MIOS: variants seen among roughly 807,000 people sequenced by gnomAD.
MIOS encodes GATOR2 complex protein MIOS.
A neutral mutation model predicts 96.9 loss-of-function variants in MIOS; 52 were observed. The ratio of observed to expected loss-of-function variants is 0.54; its 90% CI spans 0.43 to 0.68. The LOEUF (loss-of-function observed/expected upper bound fraction) is 0.68, where lower values mean the gene tolerates loss of function less well. Ranked by LOEUF, MIOS falls within the 30% of genes least tolerant of loss-of-function variation. The probability of loss-of-function intolerance (pLI) is 0.00; values close to 1 mark genes in which losing one functional copy is unlikely to be tolerated. For synonymous variants in MIOS, 397 were observed against 359.5 expected, an observed-to-expected ratio of 1.10 and a Z score of -1.18; for missense variants, 1,005 against 1,052.8, an observed-to-expected ratio of 0.95 and a Z score of 0.63.
Position 7,573,295 on chromosome 7 carries a change from G to A in MIOS, c.820G>A (p.Ala274Thr). The change falls in exon 4 of 13, where the codon GCA becomes ACA. Residue 274 changes from alanine (A) to threonine (T), a missense_variant. Around this residue, in one of 3 missense-constraint regions of MIOS, gnomAD observed 865 missense variants for 887.9 expected, o/e 0.97. Transcript: ENST00000340080. This position sits in a 1 kb window ranked among gnomAD's most constrained non-coding sequence, Gnocchi z 5.0. The part of the protein sequence containing the change: ...TEQPKPLTKV[A>T]WCPTRTGLLA... ...GCAACCAAAACCCTTAACAAAAGTAGCATGGTGTCCCACTAGGACTGGTCT... is the reference window on the plus strand; with the variant it reads ...GCAACCAAAACCCTTAACAAAAGTAACATGGTGTCCCACTAGGACTGGTCT... 1 of 1,614,046 alleles carries A rather than the reference G, an allele frequency of 6.2e-7. No homozygotes were observed. The highest frequency in any genetic ancestry group is 8.5e-7 in the Non-Finnish European group (1 of 1,179,952).
chr7:7,573,426 T>C lies in MIOS; in HGVS notation c.951T>C (p.Ser317=), dbSNP rs1783418912. ...CTGAACCCACAATAATTGAAAGAAG[T>C]GTGCAACCTTGTGACAATTACATTG... ...DETEPTIIER[S]VQPCDNYIAS... is the part of the protein sequence containing the mutation. Residue 317 remains serine, a synonymous_variant, in exon 4 of 13, where the codon AGT becomes AGC. Coordinates refer to ENST00000340080, the MANE Select transcript of MIOS (RefSeq NM_019005.4). This position sits in a 1 kb window ranked among gnomAD's most constrained non-coding sequence, Gnocchi z 5.0. 11 of 1,614,134 alleles carry C rather than the reference T, an allele frequency of 6.8e-6. No homozygotes were observed. The highest frequency in any genetic ancestry group is 9.3e-6 in the Non-Finnish European group (11 of 1,179,960).
intron 9 of MIOS, among the ~76,000 whole-genome samples, chr7:7,593,901 A>AAAAAAAAAAAAAAAAAAAAC (rs376486803): frequency 1.2e-4 from 17 of 145,036 alleles, no homozygotes; most frequent in Non-Finnish European, 1.8e-4. Context: ...AAAAAGAAAA[A>AAAAAAAAAAAAAAAAAAAAC]GAAAAGAAAA....
chr7:7,599,469 A>G (rs541203613), intron 11 of MIOS, among the ~76,000 whole-genome samples: 1 of 152,232 alleles, frequency 6.6e-6, no homozygotes, highest in Non-Finnish European at 1.5e-5. Flanking sequence ...TATCTGAAGG[A>G]TATCTGGAAA....
rs143170029 is a variant in MIOS at position 7,581,557 on chromosome 7, T to C, written c.1394-1561T>C. ...GGCTAACCAGAAGGTATCAGCCAAA[T>C]TGTATTTATTTCTAGAGGTTGGAGT... is the stretch of plus-strand genomic sequence containing the variant. On this transcript the variant is annotated intron_variant, in intron 5 of 12. Transcript: ENST00000340080. 8.6e-3 allele frequency among the ~76,000 whole-genome samples: 1,314 copies of C among 152,192 alleles called. 9 individuals carry two copies. Among genetic ancestry groups the C allele is most frequent in the Non-Finnish European group, 8.7e-3 (593 of 68,000 alleles).
intron 12 of MIOS, 44 bp downstream of exon 12, chr7:7,606,115 G>A: frequency 6.3e-7 from 1 of 1,598,878 alleles, no homozygotes; most frequent in Non-Finnish European, 8.5e-7. Flanking sequence ...AGTTATGGGG[G>A]ATAACACAGA....
At chr7:7,568,997 C>A (rs892417673) in intron 3 of MIOS, among the ~76,000 whole-genome samples, 1 of 152,084 alleles carries the variant, frequency 6.6e-6, no homozygotes, top group Admixed American at 6.5e-5. Context: ...ATGGATTTTT[C>A]TTTGTGGCAT....
intron 5 of MIOS, among the ~76,000 whole-genome samples, chr7:7,579,947 A>T (rs1034572078): frequency 6.6e-6 from 1 of 152,224 alleles, no homozygotes; most frequent in African/African-American, 2.4e-5. Context: ...CTGTTCCATG[A>T]CATGATTTCT....
chr7:7,599,041 G>T lies in MIOS; in HGVS notation c.2401+2580G>T, dbSNP rs373801885. Among the ~76,000 whole-genome samples the T allele has an allele frequency of 2.8e-4, 43 of 152,056 alleles. No homozygotes were observed. The East Asian group carries it at 6.8e-3, about 24-fold the overall frequency. ...ATCAAAGAACCTCTTGGAGCTCTTG[G>T]TGTGCAATAAGCATAGTTAACGAAT... On this transcript the variant is annotated intron_variant, in intron 11 of 12. Transcript: ENST00000340080.
chr7:7,597,966 A>G (rs931482757), intron 11 of MIOS, among the ~76,000 whole-genome samples: 3 of 152,128 alleles, frequency 2.0e-5, no homozygotes, highest in Admixed American at 6.5e-5. Flanking sequence ...TGCCCAGCCT[A>G]TATTTTTTAA....
chr7:7,574,324 A>G (rs1274476974), intron 5 of MIOS, 128 bp downstream of exon 5: 1 of 627,480 alleles, frequency 1.6e-6, no homozygotes, highest in African/African-American at 1.9e-5. Flanking sequence ...TTGTTTTCTG[A>G]TTGGATATTT....
At chr7:7,598,892 A>G (rs930066314) in intron 11 of MIOS, among the ~76,000 whole-genome samples, 1 of 152,094 alleles carries the variant, frequency 6.6e-6, no homozygotes. Flanking sequence ...ACATTTTTCC[A>G]TATTTGTTAT....
chr7:7,590,156 A>G (rs1289071845), intron 9 of MIOS, among the ~76,000 whole-genome samples: 2 of 152,104 alleles, frequency 1.3e-5, no homozygotes, highest in African/African-American at 2.4e-5. Flanking sequence ...TCCTTACATG[A>G]TGTTGGTACC....
In MIOS at chr7:7,583,203, T is replaced by C; in HGVS notation, c.1479T>C (p.Ala493=). 1 of 1,614,174 alleles carries C rather than the reference T, an allele frequency of 6.2e-7. No individual in the cohort carries two copies. The highest frequency in any genetic ancestry group is 8.5e-7 in the Non-Finnish European group (1 of 1,180,020). The change falls in exon 6 of 13, where the codon GCT becomes GCC. Residue 493 remains alanine, a synonymous_variant. Coordinates refer to ENST00000340080, the MANE Select transcript of MIOS (RefSeq NM_019005.4). The part of the protein sequence containing the change: ...IQNLNEERIL[A]LQLCGWIKKG... ...ATTTAAATGAAGAGAGAATCTTAGCTTTACAGCTTTGTGGGTGGATAAAGA... is the reference window on the plus strand; with the variant it reads ...ATTTAAATGAAGAGAGAATCTTAGCCTTACAGCTTTGTGGGTGGATAAAGA...
At chr7:7,589,620 C>A (rs1363307934) in intron 9 of MIOS, 57 bp downstream of exon 9, 3 of 1,536,916 alleles carry the variant, frequency 2.0e-6, no homozygotes, top group Admixed American at 3.9e-5. Flanking sequence ...TATTTTCTTT[C>A]CTCAGTTGAA....
intron 7 of MIOS, among the ~76,000 whole-genome samples, chr7:7,586,332 C>G (rs1783887328): frequency 6.6e-6 from 1 of 152,058 alleles, no homozygotes; most frequent in Non-Finnish European, 1.5e-5. Context: ...TTTATTTGGT[C>G]TTTGTGTTAT....
chr7:7,575,185 G>C (rs1228338432), intron 5 of MIOS, among the ~76,000 whole-genome samples: 2 of 152,072 alleles, frequency 1.3e-5, no homozygotes, highest in Non-Finnish European at 2.9e-5. Flanking sequence ...TAGTCAAAGA[G>C]CAGTAATAGA....
chr7:7,593,169 CT>C lies in MIOS; in HGVS notation c.2044-1806del, dbSNP rs1278879790. Among the ~76,000 whole-genome samples, 8 of 152,218 alleles carry C rather than the reference CT, an allele frequency of 5.3e-5. No homozygotes were observed. In the South Asian group the frequency reaches 1.2e-3, roughly 24 times the overall value. ...AACATCTTATTTTTCTGTGAATTTT[CT>C]TTTTAAACCAGGGATTATATGCTAC... is the stretch of plus-strand genomic sequence containing the variant. On this transcript the variant is annotated intron_variant, in intron 9 of 12. Coordinates refer to ENST00000340080, the MANE Select transcript of MIOS (RefSeq NM_019005.4).
rs763674059 is a variant in MIOS, at chr7:7,596,242, T to C, written c.2197-15T>C. On this transcript the variant is annotated splice_polypyrimidine_tract_variant and intron_variant, in intron 10 of 12. Coordinates refer to ENST00000340080, the MANE Select transcript of MIOS (RefSeq NM_019005.4). ...GTTTGCATTACATTTATTTTTTCTTTCATTTGTTTTGTAGGTTTTTGTGAG... is the reference window on the plus strand; with the variant it reads ...GTTTGCATTACATTTATTTTTTCTTCCATTTGTTTTGTAGGTTTTTGTGAG... 31 of 1,609,466 alleles carry C rather than the reference T, an allele frequency of 1.9e-5. No individual in the cohort carries two copies. The highest frequency in any genetic ancestry group is 2.5e-5 in the Non-Finnish European group (29 of 1,176,674).
At chr7:7,582,935 C>A in intron 5 of MIOS, 183 bp from the exon 6 acceptor site, 2 of 667,998 alleles carry the variant, frequency 3.0e-6, no homozygotes, top group Non-Finnish European at 4.7e-6. Context: ...ACTCAAGGAG[C>A]TACTGTACTT....
Sources: allele counts gnomAD v4.1 joint callset (sites outside exome capture counted in the v4.1 genomes callset), GRCh38; gene constraint gnomAD v4.1.1; regional missense constraint gnomAD v4.1.1; non-coding constraint Gnocchi (gnomAD v3.1); transcripts MANE v1.5; gene names NCBI Gene and HGNC (gene_info 2026-07-23, HGNC 2026-07-21).